The following NBN variants were observed in gnomAD, a reference collection of about 807,000 sequenced individuals.
NBN encodes the protein Nijmegen breakage syndrome 1 (nibrin).
Under a neutral mutation model 90.8 loss-of-function variants are expected in NBN, and 88 were observed. The observed-to-expected ratio is 0.97, with a 90% confidence interval of 0.82 to 1.16. The LOEUF is 1.16. Ranked by LOEUF, NBN falls within the 50% of genes most tolerant of loss-of-function variation. The pLI is 0.00. For missense variants in NBN, 894 were observed against 869.6 expected (o/e 1.03, Z -0.35); for synonymous variants, 328 against 295.1 (o/e 1.11, Z -1.14).
At chr8:89,948,187 T>C (rs943944168) in intron 11 of NBN, among the ~76,000 whole-genome samples, 9 of 152,170 alleles carry the variant, frequency 5.9e-5, no homozygotes, top group African/African-American at 2.2e-4. Flanking sequence ...GGAAAATGAT[T>C]ATAAGTAAAT....
intron 12 of NBN, among the ~76,000 whole-genome samples, chr8:89,947,218 A>G (rs1282183186): frequency 1.3e-5 from 2 of 152,190 alleles, no homozygotes; most frequent in African/African-American, 2.4e-5. Context: ...TTTATAGAGT[A>G]TTTGAGGTTC....
intron 7 of NBN, 115 bp from the exon 8 acceptor site, chr8:89,964,622 A>G (rs1811160845): frequency 9.4e-7 from 1 of 1,059,682 alleles, no homozygotes. Context: ...TTTATGGTAT[A>G]GACAGAATTT....
In NBN at chr8:89,972,617, T is replaced by C. The variant is rs150930089; in HGVS notation, c.585-1327A>G. On this transcript the variant is annotated intron_variant, in intron 5 of 15. Transcript: ENST00000265433. Reference sequence around the variant, plus strand: ...TAAAAAGGATCAATTTTAATATCTCTTTGAATCCTTTTTATCCTTTATCTC... The same window carrying C: ...TAAAAAGGATCAATTTTAATATCTCCTTGAATCCTTTTTATCCTTTATCTC... 5.1e-3 allele frequency among the ~76,000 whole-genome samples: 775 copies of C among 152,360 alleles called. 8 individuals are homozygous for C. Among genetic ancestry groups the C allele is most frequent in the Non-Finnish European group, 7.4e-3 (506 of 68,030 alleles).
chr8:89,943,735 T>C (rs1810057980), intron 13 of NBN, among the ~76,000 whole-genome samples: 1 of 152,194 alleles, frequency 6.6e-6, no homozygotes. Flanking sequence ...CTTCAAAGCT[T>C]AAGCCCTTTC....
intron 8 of NBN, among the ~76,000 whole-genome samples, chr8:89,961,967 G>C (rs1242679161): frequency 1.3e-5 from 2 of 152,160 alleles, no homozygotes; most frequent in Non-Finnish European, 2.9e-5. Context: ...TTGAGCAGAA[G>C]CTGTAGAGTG....
intron 1 of NBN, among the ~76,000 whole-genome samples, chr8:89,983,687 A>T (rs554514275): frequency 4.6e-5 from 7 of 152,282 alleles, no homozygotes; most frequent in African/African-American, 1.7e-4. Context: ...AAGTTGTTGG[A>T]GTAACAGTAT....
intron 6 of NBN, 108 bp downstream of exon 6, chr8:89,971,065 T>C: frequency 7.9e-7 from 1 of 1,263,406 alleles, no homozygotes; most frequent in Non-Finnish European, 1.1e-6. Context: ...TTCACACTTT[T>C]ACACAAAATC....
chr8:89,983,013 C>T (rs1224028375), intron 1 of NBN, 158 bp from the exon 2 acceptor site: 1 of 320,840 alleles, frequency 3.1e-6, no homozygotes, highest in African/African-American at 2.3e-5. Flanking sequence ...ATATGTCAAA[C>T]TTGTGTTTTC....
chr8:89,978,358 A>C, intron 4 of NBN, 35 bp from the exon 5 acceptor site: 1 of 1,548,198 alleles, frequency 6.5e-7, no homozygotes, highest in Non-Finnish European at 8.9e-7. Flanking sequence ...ATATATATTC[A>C]CATGCTAGCA....
chr8:89,981,560 C>G (rs1193439711), intron 2 of NBN, 37 bp from the exon 3 acceptor site: 1 of 1,608,360 alleles, frequency 6.2e-7, no homozygotes, highest in Admixed American at 1.7e-5. Context: ...TCTTTTACCA[C>G]TCAGTACATT....
intron 15 of NBN, among the ~76,000 whole-genome samples, chr8:89,936,427 CA>C (rs993439402): frequency 2.6e-5 from 4 of 152,132 alleles, no homozygotes; most frequent in Non-Finnish European, 1.5e-5. Flanking sequence ...TAATTGGCTG[CA>C]AAACAGACTC....
chr8:89,969,866 G>A (rs762982260), intron 7 of NBN, among the ~76,000 whole-genome samples: 3 of 151,998 alleles, frequency 2.0e-5, no homozygotes, highest in African/African-American at 4.8e-5. Flanking sequence ...GCAGAGGATC[G>A]TTTGAACCCA....
rs1554567842 is a variant in NBN at position 89,980,734 on chromosome 8, T to C, written c.480A>G (p.Lys160=). The stretch of plus-strand genomic sequence containing the variant: ...CATAAGAACAAGACATTCAACCTAC[T>C]TTAATGGTAACTTTCACTGATACCA... ...LVMVSVKVTI[K]TICALICGRP... The change falls in exon 4 of 16, where the codon AAA becomes AAG. Residue 160 remains lysine (K), a splice_region_variant and synonymous_variant. Coordinates refer to ENST00000265433, the MANE Select transcript of NBN (RefSeq NM_002485.5). 3 of 1,609,702 alleles carry C rather than the reference T, an allele frequency of 1.9e-6. No homozygotes were observed. The East Asian group carries it at 6.7e-5, about 36-fold the overall frequency.
At chr8:89,948,228 G>T (rs555621073) in intron 11 of NBN, among the ~76,000 whole-genome samples, 1 of 152,198 alleles carries the variant, frequency 6.6e-6, no homozygotes, top group Admixed American at 6.5e-5. Context: ...TGCACTAACA[G>T]TCTGCAAAAT....
At chr8:89,979,476 C>G (rs1811947469) in intron 4 of NBN, among the ~76,000 whole-genome samples, 2 of 152,182 alleles carry the variant, frequency 1.3e-5, no homozygotes, top group African/African-American at 4.8e-5. Context: ...TTAATTGGTC[C>G]ATGCCTCAGT....
intron 4 of NBN, among the ~76,000 whole-genome samples, chr8:89,978,685 G>C (rs769008847): frequency 2.0e-5 from 3 of 152,066 alleles, no homozygotes; most frequent in Non-Finnish European, 4.4e-5. Flanking sequence ...TCAGAATTGA[G>C]GAAATGTAAC....
chr8:89,941,370 T>TA (rs1207081902), intron 14 of NBN, among the ~76,000 whole-genome samples: 1 of 152,116 alleles, frequency 6.6e-6, no homozygotes, highest in Non-Finnish European at 1.5e-5. Flanking sequence ...TAAGGGAGGC[T>TA]AGGTGGGAGG....
At chr8:89,959,078 C>G (rs1005753414) in intron 8 of NBN, among the ~76,000 whole-genome samples, 1 of 152,184 alleles carries the variant, frequency 6.6e-6, no homozygotes, top group African/African-American at 2.4e-5. Context: ...AAAGCCACAT[C>G]AGATACTTTG....
rs141433567 is a variant in NBN, at chr8:89,974,623, C to T, written c.585-3333G>A. On this transcript the variant is annotated intron_variant, in intron 5 of 15. Coordinates refer to ENST00000265433, the MANE Select transcript of NBN (RefSeq NM_002485.5). Reference sequence around the variant, plus strand: ...CTCTGACCAAGTCCCATAGGGAAGACGTAGAGGGTACATACAGTGAAAGGT... The same window carrying T: ...CTCTGACCAAGTCCCATAGGGAAGATGTAGAGGGTACATACAGTGAAAGGT... Among the ~76,000 whole-genome samples the T allele has an allele frequency of 4.0e-3, 616 of 152,212 alleles. 2 individuals are homozygous for T. The highest frequency in any genetic ancestry group is 0.013 in the African/African-American group (547 of 41,524).
Sources: gnomAD v4.1 joint callset for allele counts (sites outside exome capture counted in the v4.1 genomes callset) on GRCh38, gnomAD v4.1.1 for gene constraint, MANE v1.5 for transcripts, NCBI Gene and HGNC (gene_info 2026-07-23, HGNC 2026-07-21) for gene names.